Variants in LIMS2 observed in about 807,000 individuals in gnomAD.
The protein encoded by LIMS2 is LIM and senescent cell antigen-like-containing domain protein 2.
A neutral mutation model predicts 45.3 loss-of-function variants in LIMS2; 30 were observed. That is an observed-to-expected ratio of 0.66 (90% confidence interval 0.50 to 0.90). The LOEUF is 0.90. Ranked by LOEUF, LIMS2 falls within the 40% of genes least tolerant of loss-of-function variation. The pLI is 0.00. For missense variants in LIMS2, 485 were observed against 468.7 expected, an observed-to-expected ratio of 1.03 and a Z score of -0.32; for synonymous variants, 173 against 188.0, an observed-to-expected ratio of 0.92 and a Z score of 0.65.
rs144449664 is a variant in LIMS2, at chr2:127,642,174, C to T, written c.535G>A (p.Glu179Lys). Residue 179 changes from glutamate (E) to lysine (K), a missense_variant, in exon 6 of 10, where the codon GAG (glutamate) becomes AAG (lysine). Glu to Lys is a moderately conservative substitution (Grantham distance 56). Transcript: ENST00000355119. The surrounding 1 kb of genome is among the most constrained non-coding windows in gnomAD (Gnocchi z 5.3). ...CGKELTAEARELKGELYCLPC... is the reference protein window; with the variant it reads ...CGKELTAEARKLKGELYCLPC... Reference sequence around the variant, plus strand: ...AGGCAGTAGAGCTCACCCTTCAGCTCGCGGGCCTCGGCTGTCAGCTCCTTC... The same window carrying T: ...AGGCAGTAGAGCTCACCCTTCAGCTTGCGGGCCTCGGCTGTCAGCTCCTTC... The T allele has an allele frequency of 2.4e-5, 38 of 1,572,776 alleles. No individual in the cohort carries two copies. The highest frequency in any genetic ancestry group is 3.1e-5 in the Non-Finnish European group (36 of 1,155,014).
intron 1 of LIMS2, among the ~76,000 whole-genome samples, chr2:127,666,243 G>A (rs1684993140): frequency 6.6e-6 from 1 of 151,870 alleles, no homozygotes; most frequent in Admixed American, 6.6e-5. Flanking sequence ...AGGACCTCCA[G>A]AAGTTCATCC....
chr2:127,678,813 C>CT (rs1277253936), upstream of LIMS2, among the ~76,000 whole-genome samples: 3 of 152,052 alleles, frequency 2.0e-5, no homozygotes, highest in Non-Finnish European at 4.4e-5. This position sits in a 1 kb window ranked among gnomAD's most constrained non-coding sequence, Gnocchi z 5.3. Flanking sequence ...GCATTGGGCC[C>CT]TCCCCAGGCA....
At chr2:127,646,356 T>G (rs983843818) in intron 4 of LIMS2, 12 of 152,210 alleles carry the variant, frequency 7.9e-5, no homozygotes, top group African/African-American at 2.9e-4. Flanking sequence ...GTCCCATCTC[T>G]TTGGTGATGG....
Position 127,675,167 on chromosome 2 carries a change from G to A in LIMS2, c.-143C>T, listed in dbSNP as rs962394392. 6.0e-5 allele frequency: 42 copies of A among 701,170 alleles called. No homozygotes were observed. Among genetic ancestry groups the A allele is most frequent in the African/African-American group, 3.2e-4 (17 of 53,800 alleles). The allele number at this position is 701,170 out of a possible 1,614,324, so 43.4% of individuals were successfully genotyped here. A position where few individuals can be genotyped will look rare whatever the true frequency, so the allele number is the denominator to read the frequency against. On this transcript the variant is annotated 5_prime_UTR_variant, in exon 1 of 10. Transcript: ENST00000355119. ...AAAAAGGCCAAGAGCCGCTCCGCCC[G>A]CGAGAGGGGTGGGCGGGGGTGGCAG...
chr2:127,660,800 G>C (rs192752744), intron 1 of LIMS2, among the ~76,000 whole-genome samples: 141 of 152,268 alleles, frequency 9.3e-4, no homozygotes, highest in Non-Finnish European at 1.8e-3. Context: ...TCTACCTTCC[G>C]GCTCATCTTC....
At position 127,664,216 on chromosome 2, in the gene LIMS2, C is replaced by T. The variant is rs1684862931; in HGVS notation, c.12-6654G>A. 3 of 1,100,640 alleles carry T rather than the reference C, an allele frequency of 2.7e-6. No individual in the cohort carries two copies. The highest frequency in any genetic ancestry group is 9.0e-5 in the South Asian group (2 of 22,294). The allele number at this position is 1,100,640 out of a possible 1,614,324, so 68.2% of individuals were successfully genotyped here. ...GGGCAGAGCCCACGGCGTCGGAGGG[C>T]CCCGGTCGGGTTTCCGAGGGAAGGC... On this transcript the variant is annotated intron_variant, in intron 1 of 9. Transcript: ENST00000355119. This position sits in a 1 kb window ranked among gnomAD's most constrained non-coding sequence, Gnocchi z 5.5.
intron 1 of LIMS2, among the ~76,000 whole-genome samples, chr2:127,660,566 C>T (rs1684565697): frequency 6.6e-6 from 1 of 152,164 alleles, no homozygotes; most frequent in East Asian, 1.9e-4. Flanking sequence ...GCCTTCACTT[C>T]TGAAGTCAGT....
rs1169879906 is a variant in LIMS2, at chr2:127,640,013, AG to A, written c.878+56del. On this transcript the variant is annotated intron_variant, in intron 9 of 9. Coordinates refer to ENST00000355119, the MANE Select transcript of LIMS2 (RefSeq NM_001161403.3). Reference sequence around the variant, plus strand: ...GTGTGCAGGAGGGCTGCTGAGAGGAAGGACCTGCAGGAGCCCCCTCCACCCT... The same window carrying A: ...GTGTGCAGGAGGGCTGCTGAGAGGAAGACCTGCAGGAGCCCCCTCCACCCT... The A allele has an allele frequency of 1.9e-6, 3 of 1,542,390 alleles. No individual in the cohort carries two copies. In the African/African-American group the frequency reaches 4.1e-5, roughly 21 times the overall value.
At chr2:127,660,928 TG>T (rs1288003373) in intron 1 of LIMS2, among the ~76,000 whole-genome samples, 16 of 8,962 alleles carry the variant, frequency 1.8e-3, no homozygotes, top group African/African-American at 2.3e-3. Context: ...TAGGTGGGGG[TG>T]GGGGGGGCGG....
intron 1 of LIMS2, among the ~76,000 whole-genome samples, chr2:127,665,017 G>A (rs753994361): frequency 3.3e-5 from 5 of 152,176 alleles, no homozygotes; most frequent in East Asian, 1.9e-4. Flanking sequence ...TAGAGAAAAG[G>A]CAATCCTCCA....
intron 1 of LIMS2, among the ~76,000 whole-genome samples, chr2:127,668,400 G>A (rs1685113659): frequency 6.6e-6 from 1 of 151,654 alleles, no homozygotes; most frequent in Non-Finnish European, 1.5e-5. Flanking sequence ...CAGGTGCAGT[G>A]GCTCACACCT....
In LIMS2 at chr2:127,651,732, C is replaced by A. The variant is rs1448529121; in HGVS notation, c.359+2692G>T. The A allele has an allele frequency of 2.5e-6, 4 of 1,612,582 alleles. No homozygotes were observed. The African/African-American group carries it at 4.0e-5, about 16-fold the overall frequency. On this transcript the variant is annotated intron_variant, in intron 4 of 9. Coordinates refer to ENST00000355119, the MANE Select transcript of LIMS2 (RefSeq NM_001161403.3). Reference sequence around the variant, plus strand: ...CGAAGGGAAAACCAACGAGAGCTCGCTGAGTGCCAAGTCAGAGCTGTGAGC... The same window carrying A: ...CGAAGGGAAAACCAACGAGAGCTCGATGAGTGCCAAGTCAGAGCTGTGAGC...
chr2:127,643,141 A>G, intron 4 of LIMS2, 69 bp from the exon 5 acceptor site: 1 of 1,493,900 alleles, frequency 6.7e-7, no homozygotes, highest in Admixed American at 2.0e-5. Context: ...CCAGGAGAAG[A>G]GAGGCCAGAC....
chr2:127,649,951 C>A, intron 4 of LIMS2: 2 of 1,412,814 alleles, frequency 1.4e-6, no homozygotes, highest in Non-Finnish European at 2.0e-6. Context: ...GAAAATACTC[C>A]CAGCTGGCCT....
chr2:127,679,075 C>A (rs752294035), upstream of LIMS2, among the ~76,000 whole-genome samples: 1 of 151,982 alleles, frequency 6.6e-6, no homozygotes. This position sits in a 1 kb window ranked among gnomAD's most constrained non-coding sequence, Gnocchi z 5.3. Context: ...GGAGGAGGTG[C>A]GCCACTGCCC....
rs1683573908 is a variant in LIMS2 at position 127,650,107 on chromosome 2, AG to A, written c.359+4316del. 5.1e-6 allele frequency: 8 copies of A among 1,575,828 alleles called. No homozygotes were observed. In the South Asian group the frequency reaches 6.8e-5, roughly 13 times the overall value. On this transcript the variant is annotated intron_variant, in intron 4 of 9. Transcript: ENST00000355119. ...AAAAAGAGTAGACCTCTGACGTCCC[AG>A]GGTACAGCCCTTGCTGCCATCCTGG...
chr2:127,680,835 G>A (rs1004448350), intron 1 of LIMS2, among the ~76,000 whole-genome samples: 1 of 152,190 alleles, frequency 6.6e-6, no homozygotes, highest in African/African-American at 2.4e-5. Flanking sequence ...TTGGCTACCC[G>A]AGGGCAGCCC....
Position 127,664,470 on chromosome 2 carries a change from G to A in LIMS2, c.12-6908C>T. The stretch of plus-strand genomic sequence containing the variant: ...GGGACCACCTCGGAGGGGAGGCGCG[G>A]CCGCCTGGGGCCAGACACCAAGACG... On this transcript the variant is annotated intron_variant, in intron 1 of 9. Transcript: ENST00000355119. This position sits in a 1 kb window ranked among gnomAD's most constrained non-coding sequence, Gnocchi z 5.5. 8.5e-7 allele frequency: 1 copy of A among 1,178,754 alleles called. No individual in the cohort carries two copies. The highest frequency in any genetic ancestry group is 1.0e-6 in the Non-Finnish European group (1 of 953,984). The allele number at this position is 1,178,754 out of a possible 1,614,324, so 73.0% of individuals were successfully genotyped here.
chr2:127,654,452 C>A lies in LIMS2; in HGVS notation c.331G>T (p.Asp111Tyr). The change falls in exon 4 of 10, where the codon GAC becomes TAC. Residue 111 changes from aspartate to tyrosine, a missense_variant. Transcript: ENST00000355119. ...RCELCDVELA[D>Y]LGFVKNAGRH... ...CCGGCATTCTTCACAAAGCCCAGGT[C>A]AGCCAGCTCCACATCACACAGCTCG... is the stretch of plus-strand genomic sequence containing the variant. 1 of 1,614,168 alleles carries A rather than the reference C, an allele frequency of 6.2e-7. No individual in the cohort carries two copies. Among genetic ancestry groups the A allele is most frequent in the South Asian group, 1.1e-5 (1 of 91,076 alleles).
Sources: allele counts gnomAD v4.1 joint callset (sites outside exome capture counted in the v4.1 genomes callset), GRCh38; gene constraint gnomAD v4.1.1; non-coding constraint Gnocchi (gnomAD v3.1); transcripts MANE v1.5; gene names NCBI Gene and HGNC (gene_info 2026-07-23, HGNC 2026-07-21).